The following MBD6 variants were observed in gnomAD, a reference collection of about 807,000 sequenced individuals.
MBD6 encodes the protein methyl-CpG binding domain protein 6.
MBD6 carries 22 observed loss-of-function variants against 66.8 expected under a neutral mutation model. The observed-to-expected ratio is 0.33, with a 90% CI of 0.24 to 0.47. The LOEUF (loss-of-function observed/expected upper bound fraction) is 0.47. Ranked by LOEUF, MBD6 falls within the 20% of genes least tolerant of loss-of-function variation. The pLI, the probability that MBD6 is intolerant of heterozygous loss-of-function variation, is 1.00. For synonymous variants in MBD6, 540 were observed against 534.6 expected (o/e 1.01, Z -0.14); for missense variants, 1,322 against 1,286.9 (o/e 1.03, Z -0.42).
Position 57,528,411 on chromosome 12 carries a change from C to T in MBD6, c.2671C>T (p.Leu891Phe), listed in dbSNP as rs953058166. Residue 891 changes from leucine to phenylalanine, a missense_variant, in exon 10 of 13, where the codon CTC (leucine) becomes TTC (phenylalanine). Physicochemically the swap from Leu to Phe is conservative, Grantham distance 22. Coordinates refer to ENST00000355673, the MANE Select transcript of MBD6 (RefSeq NM_052897.4). ...GSRREPGRLALKWGTRGGFNG... is the reference protein window; with the variant it reads ...GSRREPGRLAFKWGTRGGFNG... The stretch of plus-strand genomic sequence containing the variant: ...CCGGCGGGAGCCTGGCCGACTGGCC[C>T]TCAAATGGGGGACACGTGGTGGCTT... The T allele has an allele frequency of 6.2e-7, 1 of 1,613,254 alleles. No homozygotes were observed. The highest frequency in any genetic ancestry group is 8.5e-7 in the Non-Finnish European group (1 of 1,179,918).
chr12:57,526,862 C>T lies in MBD6; in HGVS notation c.1717C>T (p.Pro573Ser). ...GACTGGGGGAGGAGGACAACCTCCC[C>T]CTGAGCCCCTGCTACCCCCACCAGG... ...VLTGGGGQPPPEPLLPPPGGP... is the reference protein window; with the variant it reads ...VLTGGGGQPPSEPLLPPPGGP... The change falls in exon 7 of 13, where the codon CCT becomes TCT. Residue 573 changes from proline to serine, a missense_variant. By Grantham distance (74) the Pro-to-Ser change is moderately conservative. Coordinates refer to ENST00000355673, the MANE Select transcript of MBD6 (RefSeq NM_052897.4). 6.2e-7 allele frequency: 1 copy of T among 1,613,544 alleles called. No individual in the cohort carries two copies. The highest frequency in any genetic ancestry group is 8.5e-7 in the Non-Finnish European group (1 of 1,179,814).
downstream of MBD6, chr12:57,530,501 C>T (rs1413119544): frequency 7.8e-5 from 40 of 515,420 alleles, no homozygotes; most frequent in East Asian, 1.2e-3. Context: ...TGATGATAAC[C>T]AACCCCTAGC....
Position 57,525,714 on chromosome 12 carries a change from A to C in MBD6, c.746A>C (p.His249Pro), listed in dbSNP as rs759625019. The part of the protein sequence containing the change: ...PSDLGSPPAP[H>P]ASSSPPSDPP... Reference sequence around the variant, plus strand: ...GACCTGGGCTCTCCTCCGGCCCCTCATGCCTCCTCCTCACCACCTTCAGAC... The same window carrying C: ...GACCTGGGCTCTCCTCCGGCCCCTCCTGCCTCCTCCTCACCACCTTCAGAC... The change falls in exon 6 of 13, where the codon CAT (histidine) becomes CCT (proline). Residue 249 changes from histidine to proline, a missense_variant. Transcript: ENST00000355673. 9 of 1,613,186 alleles carry C rather than the reference A, an allele frequency of 5.6e-6. No homozygotes were observed. In the Admixed American group the frequency reaches 1.2e-4, roughly 21 times the overall value.
intron 1 of MBD6, chr12:57,523,229 T>G (rs1373248028): frequency 1.3e-5 from 2 of 151,302 alleles, no homozygotes; most frequent in Non-Finnish European, 2.9e-5. Flanking sequence ...CTCCCCAAGT[T>G]CCTTCCTACT....
intron 3 of MBD6, 29 bp from the exon 4 acceptor site, chr12:57,524,691 C>T: frequency 6.2e-7 from 1 of 1,606,214 alleles, no homozygotes; most frequent in African/African-American, 1.3e-5. Flanking sequence ...CCAGCTAACC[C>T]CATGTCCTCT....
At chr12:57,523,597 C>T (rs1270883701) in intron 1 of MBD6, among the ~76,000 whole-genome samples, 1 of 152,170 alleles carries the variant, frequency 6.6e-6, no homozygotes, top group Non-Finnish European at 1.5e-5. Flanking sequence ...TCTGCTGGTA[C>T]CACCCCAGCG....
At chr12:57,527,412 C>A in intron 7 of MBD6, 95 bp from the exon 8 acceptor site, 1 of 1,446,004 alleles carries the variant, frequency 6.9e-7, no homozygotes, top group Non-Finnish European at 9.7e-7. Context: ...TGGCCTATCT[C>A]ACTTGAGGCT....
rs758113629 is a variant in MBD6 at position 57,529,282 on chromosome 12, G to A, written c.*48G>A. On this transcript the variant is annotated 3_prime_UTR_variant, in exon 13 of 13. Coordinates refer to ENST00000355673, the MANE Select transcript of MBD6 (RefSeq NM_052897.4). ...TGACCCTGATTGGGGAGAGCTGAGT[G>A]CTGAGCCTTGGGAGCCCCTGCCAGC... 17 of 1,606,456 alleles carry A rather than the reference G, an allele frequency of 1.1e-5. No homozygotes were observed. The Admixed American group carries it at 2.8e-4, about 27-fold the overall frequency.
chr12:57,527,831 C>CTATA lies in MBD6; in HGVS notation c.2237-16_2237-13dup, dbSNP rs779288297. 9.3e-6 allele frequency: 15 copies of CTATA among 1,611,692 alleles called. No individual in the cohort carries two copies. The South Asian group carries it at 1.5e-4, about 17-fold the overall frequency. ...GGTTTGCCTAGGGAGAGACCCCTGA[C>CTATA]TATAATTTCTCAACAGGTGACCTGT... On this transcript the variant is annotated splice_polypyrimidine_tract_variant and intron_variant, in intron 8 of 12. Transcript: ENST00000355673.
At position 57,528,266 on chromosome 12, in the gene MBD6, C is replaced by T. The variant is rs200714313; in HGVS notation, c.2526C>T (p.Asp842=). Residue 842 remains aspartate (D), a synonymous_variant, in exon 10 of 13, where the codon GAC becomes GAT. Coordinates refer to ENST00000355673, the MANE Select transcript of MBD6 (RefSeq NM_052897.4). Reference sequence around the variant, plus strand: ...TAGCCCCACCCCATGGTTCTCCCGACCCCCCAGTCCCTGAGCTGCTCACTG... The same window carrying T: ...TAGCCCCACCCCATGGTTCTCCCGATCCCCCAGTCCCTGAGCTGCTCACTG... ...SALAPPHGSP[D]PPVPELLTGR... 1.0e-3 allele frequency: 1,647 copies of T among 1,603,090 alleles called. 2 individuals are homozygous for T. Among genetic ancestry groups the T allele is most frequent in the Middle Eastern group, 5.2e-3 (31 of 5,938 alleles).
In MBD6 at chr12:57,525,511, T is replaced by TG; in HGVS notation, c.549dup (p.Leu184AlafsTer8). 1.3e-6 allele frequency: 2 copies of TG among 1,567,974 alleles called. No individual in the cohort carries two copies. Among genetic ancestry groups the TG allele is most frequent in the Admixed American group, 1.9e-5 (1 of 53,052 alleles). ...AGGCCTTTCCCACTCTAGCAGGCCCTGGGGGGCTTTTCCCCCCAAGGCTTG... is the reference window on the plus strand; with the variant it reads ...AGGCCTTTCCCACTCTAGCAGGCCCTGGGGGGGCTTTTCCCCCCAAGGCTTG... On this transcript the variant is annotated frameshift_variant, in exon 6 of 13. Coordinates refer to ENST00000355673, the MANE Select transcript of MBD6 (RefSeq NM_052897.4). LOFTEE classifies it high-confidence loss of function.
upstream of MBD6, among the ~76,000 whole-genome samples, chr12:57,521,454 T>G (rs1304129560): frequency 6.6e-6 from 1 of 152,114 alleles, no homozygotes; most frequent in African/African-American, 2.4e-5. Flanking sequence ...AGAGCGAGAC[T>G]ACGTTTCACC....
In MBD6 at chr12:57,526,327, C is replaced by A. The variant is rs770748001; in HGVS notation, c.1359C>A (p.Pro453=). 1 of 1,612,586 alleles carries A rather than the reference C, an allele frequency of 6.2e-7. No homozygotes were observed. The highest frequency in any genetic ancestry group is 1.3e-5 in the African/African-American group (1 of 75,040). The change falls in exon 6 of 13, where the codon CCC becomes CCA. Residue 453 remains proline, a synonymous_variant. Coordinates refer to ENST00000355673, the MANE Select transcript of MBD6 (RefSeq NM_052897.4). ...PTLSSGSPPQ[P]RHPIQPSLPG... is the part of the protein sequence containing the mutation. ...TCTCCTCAGGGAGCCCTCCCCAGCC[C>A]AGGCACCCCATCCAGCCCTCCCTGC...
In MBD6 at chr12:57,525,488, G is replaced by A. The variant is rs376941207; in HGVS notation, c.520G>A (p.Ala174Thr). ...LPPEPPSVSQ[A>T]FPTLAGPGGL... ...CCCAGAACCACCCTCAGTTTCCCAG[G>A]CCTTTCCCACTCTAGCAGGCCCTGG... The change falls in exon 6 of 13, where the codon GCC becomes ACC. Residue 174 changes from alanine (A) to threonine (T), a missense_variant. Ala to Thr is a moderately conservative substitution (Grantham distance 58). Transcript: ENST00000355673. 6.5e-7 allele frequency: 1 copy of A among 1,544,002 alleles called. No individual in the cohort carries two copies. Among genetic ancestry groups the A allele is most frequent in the African/African-American group, 1.4e-5 (1 of 72,182 alleles).
downstream of MBD6, chr12:57,530,378 T>A (rs778533536): frequency 6.4e-6 from 2 of 312,378 alleles, no homozygotes; most frequent in East Asian, 1.1e-4. Context: ...AGAAGCTGTG[T>A]TGGGGGACAA....
chr12:57,526,260 A>G lies in MBD6; in HGVS notation c.1292A>G (p.Asn431Ser), dbSNP rs1172107627. The part of the protein sequence containing the change: ...PGPSHSDGSF[N>S]LLGSDAHLPP... ...CCTTCCCACTCTGATGGAAGCTTTA[A>G]CCTTTTGGGGTCAGATGCACACCTT... The change falls in exon 6 of 13, where the codon AAC becomes AGC. Residue 431 changes from asparagine (N) to serine (S), a missense_variant. Asn to Ser is a conservative substitution (Grantham distance 46). Transcript: ENST00000355673. 6 of 1,613,006 alleles carry G rather than the reference A, an allele frequency of 3.7e-6. No individual in the cohort carries two copies.
At position 57,526,546 on chromosome 12, in the gene MBD6, A is replaced by T. The variant is rs1878974405; in HGVS notation, c.1421-20A>T. ...GGAGAAAGGGCCTCCCTTGAGCTGA[A>T]TTTCTCTCCTCTTTTACAGGTGCCC... On this transcript the variant is annotated intron_variant, in intron 6 of 12. Coordinates refer to ENST00000355673, the MANE Select transcript of MBD6 (RefSeq NM_052897.4). 4 of 1,509,890 alleles carry T rather than the reference A, an allele frequency of 2.6e-6. No homozygotes were observed. Among genetic ancestry groups the T allele is most frequent in the Non-Finnish European group, 3.5e-6 (4 of 1,130,744 alleles). The allele number at this position is 1,509,890 out of a possible 1,614,324, so 93.5% of individuals were successfully genotyped here. A position where few individuals can be genotyped will look rare whatever the true frequency, so the allele number is the denominator to read the frequency against.
chr12:57,527,513 G>A lies in MBD6; in HGVS notation c.2089G>A (p.Val697Ile). 1.2e-6 allele frequency: 2 copies of A among 1,614,074 alleles called. No individual in the cohort carries two copies. Among genetic ancestry groups the A allele is most frequent in the African/African-American group, 1.3e-5 (1 of 75,020 alleles). The change falls in exon 8 of 13, where the codon GTC becomes ATC. Residue 697 changes from valine to isoleucine, a missense_variant. Val to Ile is a conservative substitution (Grantham distance 29, BLOSUM62 3). Coordinates refer to ENST00000355673, the MANE Select transcript of MBD6 (RefSeq NM_052897.4). ...AATCATTCTTTTTTCTTAGCCCTGT[G>A]TCCTGAGTGCCCCCCAACCTGGACC... ...PPSGTPPQPC[V>I]LSAPQPGPPT...
At position 57,529,428 on chromosome 12, in the gene MBD6, A is replaced by G; in HGVS notation, c.*194A>G. 2 of 396,988 alleles carry G rather than the reference A, an allele frequency of 5.0e-6. No homozygotes were observed. Among genetic ancestry groups the G allele is most frequent in the African/African-American group, 3.0e-5 (1 of 33,170 alleles). 24.6% of individuals were successfully genotyped at this position (396,988 alleles called of 1,614,324 possible). On this transcript the variant is annotated 3_prime_UTR_variant, in exon 13 of 13. Transcript: ENST00000355673. ...GGGGCAGGGAAGTTCACCCCCCCCC[A>G]CCACCCCCCCGCCCCCCCGAAGCCA...
Sources: gnomAD v4.1 joint callset for allele counts (sites outside exome capture counted in the v4.1 genomes callset) on GRCh38, gnomAD v4.1.1 for gene constraint, MANE v1.5 for transcripts, NCBI Gene and HGNC (gene_info 2026-07-23, HGNC 2026-07-21) for gene names.